The following MYO5B variants were observed in gnomAD, a reference collection of about 807,000 sequenced individuals.
MYO5B encodes myosin VB, also known as unconventional myosin-Vb.
MYO5B carries 143 observed loss-of-function variants against 229.3 expected under a neutral mutation model. The observed-to-expected ratio is 0.62, with a 90% CI of 0.54 to 0.72. The LOEUF is 0.72. Ranked by LOEUF, MYO5B falls within the 30% of genes least tolerant of loss-of-function variation. MYO5B has a pLI of 0.00. For synonymous variants in MYO5B, 918 were observed against 885.2 expected (o/e 1.04, Z -0.66); for missense variants, 2,321 against 2,331.0 (o/e 1.00, Z 0.09).
Position 49,826,270 on chromosome 18 carries a change from G to C in MYO5B, c.*201C>G. The C allele has an allele frequency of 1.6e-6, 1 of 621,304 alleles. No homozygotes were observed. The highest frequency in any genetic ancestry group is 3.0e-5 in the East Asian group (1 of 33,586). The allele number at this position is 621,304 out of a possible 1,614,324, so 38.5% of individuals were successfully genotyped here. A position where few individuals can be genotyped will look rare whatever the true frequency, so the allele number is the denominator to read the frequency against. On this transcript the variant is annotated 3_prime_UTR_variant, in exon 40 of 40. Coordinates refer to ENST00000285039, the MANE Select transcript of MYO5B (RefSeq NM_001080467.3). ...AAACTTAAAATCTTCCATATTTCAAGTGTTTTTATTCTGAGCAGTAGGTAC... is the reference window on the plus strand; with the variant it reads ...AAACTTAAAATCTTCCATATTTCAACTGTTTTTATTCTGAGCAGTAGGTAC...
intron 18 of MYO5B, among the ~76,000 whole-genome samples, chr18:49,906,954 C>T (rs933414795): frequency 1.3e-5 from 2 of 152,028 alleles, no homozygotes; most frequent in East Asian, 1.9e-4. Context: ...GGCTGGTGAG[C>T]GTGGGATGGG....
Position 49,980,559 on chromosome 18 carries a change from AAAG to A in MYO5B, c.947-9_947-7del, listed in dbSNP as rs1408364559. 6.3e-7 allele frequency: 1 copy of A among 1,583,496 alleles called. No individual in the cohort carries two copies. Among genetic ancestry groups the A allele is most frequent in the Admixed American group, 1.7e-5 (1 of 59,992 alleles). On this transcript the variant is annotated splice_region_variant and splice_polypyrimidine_tract_variant and intron_variant, in intron 8 of 39. Coordinates refer to ENST00000285039, the MANE Select transcript of MYO5B (RefSeq NM_001080467.3). ...CTGATGGGACTCTTTCACTCCTGGA[AAAG>A]AAAAATGAATGGATGACACTCAGTA... is the stretch of plus-strand genomic sequence containing the variant.
intron 14 of MYO5B, among the ~76,000 whole-genome samples, chr18:49,951,389 G>A (rs369660328): frequency 3.3e-5 from 5 of 152,088 alleles, no homozygotes; most frequent in South Asian, 4.2e-4. Context: ...CCTTCTTAGC[G>A]TTACCACAGT....
chr18:50,064,479 C>T (rs983255154), intron 1 of MYO5B: 1 of 152,204 alleles, frequency 6.6e-6, no homozygotes. Flanking sequence ...CCTCCCTAAA[C>T]AGAGCAATCA....
chr18:50,106,550 T>C (rs941011526), intron 1 of MYO5B, among the ~76,000 whole-genome samples: 1 of 152,204 alleles, frequency 6.6e-6, no homozygotes, highest in African/African-American at 2.4e-5. Flanking sequence ...CATGCTCTTA[T>C]TGCTAGGCCT....
chr18:50,068,502 C>T (rs2144442725), intron 1 of MYO5B, among the ~76,000 whole-genome samples: 1 of 152,318 alleles, frequency 6.6e-6, no homozygotes, highest in South Asian at 2.1e-4. Context: ...GACCAAAACT[C>T]CTCCAACAAA....
intron 1 of MYO5B, among the ~76,000 whole-genome samples, chr18:50,077,995 A>T (rs1376965806): frequency 2.6e-5 from 4 of 152,248 alleles, no homozygotes; most frequent in Admixed American, 1.3e-4. Context: ...CACAGCCTGG[A>T]CTTATTTCCT....
At chr18:50,087,207 A>G (rs1448658429) in intron 1 of MYO5B, among the ~76,000 whole-genome samples, 1 of 152,174 alleles carries the variant, frequency 6.6e-6, no homozygotes, top group Non-Finnish European at 1.5e-5. Flanking sequence ...GTGTCTCTAA[A>G]GATTGCCTGT....
intron 1 of MYO5B, among the ~76,000 whole-genome samples, chr18:50,090,939 G>A (rs990270798): frequency 6.6e-6 from 1 of 152,208 alleles, no homozygotes; most frequent in Non-Finnish European, 1.5e-5. Context: ...TTCTAGCCAT[G>A]CTAGGTTCCC....
chr18:49,944,671 C>T (rs1344804228), intron 14 of MYO5B, among the ~76,000 whole-genome samples: 1 of 152,092 alleles, frequency 6.6e-6, no homozygotes, highest in Non-Finnish European at 1.5e-5. Context: ...TAAGTCACTC[C>T]CTGACCTGGA....
chr18:49,971,524 T>C (rs1325747614), intron 10 of MYO5B, among the ~76,000 whole-genome samples: 2 of 152,146 alleles, frequency 1.3e-5, no homozygotes, highest in Non-Finnish European at 2.9e-5. Flanking sequence ...AGAAAGTACC[T>C]CCAGACTCAA....
chr18:50,048,746 G>A (rs2030308695), intron 2 of MYO5B, among the ~76,000 whole-genome samples: 1 of 152,180 alleles, frequency 6.6e-6, no homozygotes, highest in Admixed American at 6.5e-5. Flanking sequence ...GTGTGGGCCA[G>A]TCATGGTGGC....
intron 1 of MYO5B, among the ~76,000 whole-genome samples, chr18:50,156,275 A>G (rs1159038090): frequency 6.6e-6 from 1 of 152,244 alleles, no homozygotes; most frequent in Non-Finnish European, 1.5e-5. Flanking sequence ...TCAAGATGCT[A>G]AGACCCTGAT....
chr18:49,839,039 C>G (rs1165773057), intron 36 of MYO5B, 105 bp downstream of exon 36: 3 of 1,433,332 alleles, frequency 2.1e-6, no homozygotes, highest in Non-Finnish European at 2.9e-6. Context: ...TTCTGGAGGT[C>G]ATGGCTAAGA....
At position 49,954,439 on chromosome 18, in the gene MYO5B, C is replaced by T. The variant is rs1555646718; in HGVS notation, c.1546-4G>A. The T allele has an allele frequency of 6.2e-7, 1 of 1,613,826 alleles. No individual in the cohort carries two copies. The highest frequency in any genetic ancestry group is 2.2e-5 in the East Asian group (1 of 44,844). On this transcript the variant is annotated splice_polypyrimidine_tract_variant and splice_region_variant and intron_variant, in intron 12 of 39. Transcript: ENST00000285039. ...TCTGGTCAGTTCCTTTGGGGACCTG[C>T]AGAACCACAAGATAGGGCAGAGCGC...
In MYO5B at chr18:49,890,730, C is replaced by T. The variant is rs111821984; in HGVS notation, c.3045+4211G>A. 3.3e-3 allele frequency among the ~76,000 whole-genome samples: 499 copies of T among 152,344 alleles called. 2 individuals carry two copies. Among genetic ancestry groups the T allele is most frequent in the African/African-American group, 0.011 (468 of 41,564 alleles). On this transcript the variant is annotated intron_variant, in intron 22 of 39. Coordinates refer to ENST00000285039, the MANE Select transcript of MYO5B (RefSeq NM_001080467.3). Reference sequence around the variant, plus strand: ...GTTCCTCTGCCATCTGTCCTTGATGCTGTGCAGTTACCACATTTACAGGCA... The same window carrying T: ...GTTCCTCTGCCATCTGTCCTTGATGTTGTGCAGTTACCACATTTACAGGCA...
At chr18:49,957,936 C>G (rs565166361) in intron 12 of MYO5B, among the ~76,000 whole-genome samples, 12 of 152,272 alleles carry the variant, frequency 7.9e-5, no homozygotes, top group African/African-American at 2.6e-4. Flanking sequence ...GCTGGCCCCC[C>G]CCAGGACTCT....
At chr18:50,117,273 T>C (rs2031980181) in intron 1 of MYO5B, among the ~76,000 whole-genome samples, 3 of 151,814 alleles carry the variant, frequency 2.0e-5, no homozygotes, top group Non-Finnish European at 1.5e-5. Flanking sequence ...CAAATTCTCA[T>C]TTAAAAAAAA....
chr18:50,042,618 A>G (rs2030054007), intron 2 of MYO5B, among the ~76,000 whole-genome samples: 1 of 152,200 alleles, frequency 6.6e-6, no homozygotes, highest in African/African-American at 2.4e-5. Flanking sequence ...TTTTTATTTC[A>G]TTCAATTCCA....
Sources: gnomAD v4.1 joint callset for allele counts (sites outside exome capture counted in the v4.1 genomes callset) on GRCh38, gnomAD v4.1.1 for gene constraint, MANE v1.5 for transcripts, NCBI Gene and HGNC (gene_info 2026-07-23, HGNC 2026-07-21) for gene names.